The following ARIH2 variants were observed in gnomAD, a reference collection of about 807,000 sequenced individuals.
The protein encoded by ARIH2 is ariadne RBR E3 ubiquitin protein ligase 2.
ARIH2 carries 12 observed loss-of-function variants against 79.8 expected under a neutral mutation model. The observed-to-expected ratio is 0.15, with a 90% CI of 0.10 to 0.24. The LOEUF is 0.24. Ranked by LOEUF, ARIH2 falls within the 10% of genes least tolerant of loss-of-function variation. The pLI, the probability that ARIH2 is intolerant of heterozygous loss-of-function variation, is 1.00. For synonymous variants in ARIH2, 224 were observed against 213.9 expected (o/e 1.05, Z -0.41); for missense variants, 301 against 618.3 (o/e 0.49, Z 5.44).
In ARIH2 at chr3:48,984,571, C is replaced by G. The variant is rs1043850483; in HGVS notation, c.*1301C>G. ...AGGGAACAAGTGGTTTGCCTGGTGT[C>G]CTACCTGTCCTGAACCTGGTCCTGT... On this transcript the variant is annotated 3_prime_UTR_variant, in exon 16 of 16. Coordinates refer to ENST00000356401, the MANE Select transcript of ARIH2 (RefSeq NM_006321.4). 6.6e-6 allele frequency: 1 copy of G among 152,232 alleles called. No homozygotes were observed. The highest frequency in any genetic ancestry group is 1.5e-5 in the Non-Finnish European group (1 of 68,098). The allele number at this position is 152,232 out of a possible 1,614,324, so 9.4% of individuals were successfully genotyped here.
intron 3 of ARIH2, among the ~76,000 whole-genome samples, chr3:48,944,657 A>G (rs1320883825): frequency 2.0e-5 from 3 of 152,182 alleles, no homozygotes; most frequent in Non-Finnish European, 4.4e-5. Context: ...CCTACCACTT[A>G]AATTAGATTC....
chr3:48,951,094 A>T (rs2089902127), intron 3 of ARIH2, among the ~76,000 whole-genome samples: 1 of 151,730 alleles, frequency 6.6e-6, no homozygotes, highest in Non-Finnish European at 1.5e-5. Flanking sequence ...TCCCAGGTAG[A>T]TGGGACAACA....
intron 3 of ARIH2, among the ~76,000 whole-genome samples, chr3:48,951,872 C>T (rs1475994562): frequency 6.6e-6 from 1 of 151,986 alleles, no homozygotes; most frequent in African/African-American, 2.4e-5. Context: ...TTTTAGACTT[C>T]GTTAATTTTT....
intron 4 of ARIH2, among the ~76,000 whole-genome samples, chr3:48,962,595 T>C (rs948944435): frequency 5.9e-5 from 9 of 152,154 alleles, no homozygotes; most frequent in African/African-American, 2.2e-4. Context: ...CGTGTGCCCC[T>C]GTCTAGCACA....
chr3:48,967,550 C>T (rs940194314), intron 6 of ARIH2, among the ~76,000 whole-genome samples: 3 of 152,314 alleles, frequency 2.0e-5, no homozygotes, highest in South Asian at 4.1e-4. Context: ...TTTAAGCTGC[C>T]TACCTTGATT....
chr3:48,980,627 G>A (rs945849359), intron 13 of ARIH2, 131 bp downstream of exon 13: 3 of 1,049,312 alleles, frequency 2.9e-6, no homozygotes, highest in Non-Finnish European at 2.7e-6. Flanking sequence ...GCTTCTGCTT[G>A]TGGATCCACA....
chr3:48,968,770 A>C (rs2091974253), intron 7 of ARIH2, 115 bp downstream of exon 7: 2 of 1,426,306 alleles, frequency 1.4e-6, no homozygotes, highest in African/African-American at 2.9e-5. Context: ...TGTTCAAAGA[A>C]AGCGCTCCAT....
chr3:48,973,516 G>T, intron 8 of ARIH2, 183 bp from the exon 9 acceptor site: 1 of 456,882 alleles, frequency 2.2e-6, no homozygotes, highest in Non-Finnish European at 4.0e-6. Flanking sequence ...GGCAGAGCTT[G>T]CAGTGAACCG....
chr3:48,919,193 T>C (rs2084369057), intron 1 of ARIH2, 195 bp downstream of exon 1: 1 of 1,292,306 alleles, frequency 7.7e-7, no homozygotes, highest in African/African-American at 1.5e-5. Flanking sequence ...GTCTGCCTTT[T>C]TTCCTCCCGC....
chr3:48,945,061 G>A, intron 3 of ARIH2: 2 of 1,233,810 alleles, frequency 1.6e-6, no homozygotes, highest in Non-Finnish European at 1.1e-6. Context: ...CATTCATGTA[G>A]CCTTAAAAGA....
intron 6 of ARIH2, 136 bp downstream of exon 6, chr3:48,967,411 C>G (rs1299663885): frequency 1.1e-6 from 1 of 943,326 alleles, no homozygotes; most frequent in East Asian, 2.6e-5. Flanking sequence ...TAGTGATTTT[C>G]AAATACATCC....
At chr3:48,925,765 C>A (rs565982560) in intron 2 of ARIH2, among the ~76,000 whole-genome samples, 1 of 149,930 alleles carries the variant, frequency 6.7e-6, no homozygotes. Flanking sequence ...TGTTGCCAGG[C>A]TGCAGTACAG....
intron 3 of ARIH2, among the ~76,000 whole-genome samples, chr3:48,941,804 G>A (rs931071747): frequency 1.3e-5 from 2 of 151,068 alleles, no homozygotes; most frequent in Non-Finnish European, 2.9e-5. Context: ...GGATAGTCTC[G>A]ATCTCCTGAC....
At chr3:48,943,825 G>C (rs1288209476) in intron 3 of ARIH2, among the ~76,000 whole-genome samples, 1 of 152,104 alleles carries the variant, frequency 6.6e-6, no homozygotes, top group Admixed American at 6.6e-5. Context: ...GGTAGTACTT[G>C]GATGGTACTA....
chr3:48,985,266 T>C lies in ARIH2; in HGVS notation c.*1996T>C, dbSNP rs969971142. The C allele has an allele frequency of 1.3e-5, 2 of 152,226 alleles. No homozygotes were observed. The highest frequency in any genetic ancestry group is 2.9e-5 in the Non-Finnish European group (2 of 68,134). 9.4% of individuals were successfully genotyped at this position (152,226 alleles called of 1,614,324 possible). ...GCCCTGGATGCTGGAGCTGGAGGGT[T>C]TTCTGTGCTCAGACTGTAGCCTGTA... On this transcript the variant is annotated 3_prime_UTR_variant, in exon 16 of 16. Transcript: ENST00000356401.
intron 3 of ARIH2, among the ~76,000 whole-genome samples, chr3:48,944,674 G>A (rs2088861698): frequency 6.6e-6 from 1 of 152,110 alleles, no homozygotes; most frequent in South Asian, 2.1e-4. Context: ...ATTCAGGGGT[G>A]AGCCTGGTTT....
chr3:48,927,984 T>C, intron 3 of ARIH2, 171 bp downstream of exon 3: 1 of 796,054 alleles, frequency 1.3e-6, no homozygotes, highest in South Asian at 1.9e-5. Flanking sequence ...TGTTTTCTAA[T>C]ATATGCATGT....
chr3:48,982,116 ATTG>A (rs1470739009), intron 14 of ARIH2, among the ~76,000 whole-genome samples: 7 of 152,224 alleles, frequency 4.6e-5, no homozygotes, highest in Non-Finnish European at 8.8e-5. Flanking sequence ...ATATGAATTT[ATTG>A]TTATTACCAA....
At chr3:48,969,058 A>AT (rs958390353) in intron 7 of ARIH2, among the ~76,000 whole-genome samples, 1 of 151,666 alleles carries the variant, frequency 6.6e-6, no homozygotes, top group African/African-American at 2.4e-5. Flanking sequence ...TAATTTTTGT[A>AT]TTTTTAGTAG....
Sources: gnomAD v4.1 joint callset for allele counts (sites outside exome capture counted in the v4.1 genomes callset) on GRCh38, gnomAD v4.1.1 for gene constraint, MANE v1.5 for transcripts, NCBI Gene and HGNC (gene_info 2026-07-23, HGNC 2026-07-21) for gene names.